Variants in CYFIP2 observed in about 807,000 individuals in gnomAD.
The protein encoded by CYFIP2 is cytoplasmic FMR1 interacting protein 2.
CYFIP2 carries 29 observed loss-of-function variants against 158.7 expected under a neutral mutation model. The ratio of observed to expected loss-of-function variants is 0.18; its 90% CI spans 0.14 to 0.25. The LOEUF (loss-of-function observed/expected upper bound fraction) is 0.25, where lower values mean the gene tolerates loss of function less well. Ranked by LOEUF, CYFIP2 falls within the 10% of genes least tolerant of loss-of-function variation. The pLI, the probability that CYFIP2 is intolerant of heterozygous loss-of-function variation, is 1.00. For synonymous variants in CYFIP2, 585 were observed against 617.6 expected, an observed-to-expected ratio of 0.95 and a Z score of 0.78; for missense variants, 852 against 1,639.5, an observed-to-expected ratio of 0.52 and a Z score of 8.29.
intron 26 of CYFIP2, among the ~76,000 whole-genome samples, chr5:157,368,611 A>C (rs1452898086): frequency 6.6e-6 from 1 of 152,198 alleles, no homozygotes; most frequent in Non-Finnish European, 1.5e-5. Flanking sequence ...ACTCCCAATA[A>C]TACCCTTCCT....
At position 157,391,209 on chromosome 5, in the gene CYFIP2, T is replaced by C. The variant is rs140581028; in HGVS notation, c.3594+541T>C. On this transcript the variant is annotated intron_variant, in intron 30 of 30. Coordinates refer to ENST00000620254, the MANE Select transcript of CYFIP2 (RefSeq NM_001037333.3). The stretch of plus-strand genomic sequence containing the variant: ...ACAGCAACAGTGACAGCAGAGGCAC[T>C]GAGGCAGGAAGGCGGATCGAAGGGT... Among the ~76,000 whole-genome samples, 1,374 of 152,102 alleles carry C rather than the reference T, an allele frequency of 9.0e-3. 20 individuals are homozygous for C. The highest frequency in any genetic ancestry group is 0.031 in the African/African-American group (1,286 of 41,506).
intron 23 of CYFIP2, chr5:157,342,935 T>A: frequency 6.2e-7 from 1 of 1,614,210 alleles, no homozygotes. Flanking sequence ...ATCAGGGGCA[T>A]CCTGGTTGGC....
chr5:157,319,247 TGCAGGA>T (rs1760397348), intron 13 of CYFIP2, among the ~76,000 whole-genome samples: 1 of 152,208 alleles, frequency 6.6e-6, no homozygotes, highest in South Asian at 2.1e-4. Flanking sequence ...CCATGACTTC[TGCAGGA>T]GAAGTTTTGA....
At position 157,361,016 on chromosome 5, in the gene CYFIP2, C is replaced by T. The variant is rs13170707; in HGVS notation, c.2909-452C>T. On this transcript the variant is annotated intron_variant, in intron 25 of 30. Transcript: ENST00000620254. The surrounding 1 kb of genome is among the most constrained non-coding windows in gnomAD (Gnocchi z 4.4). ...TACTTACTACCTGTGTGACTATGGG[C>T]ATGCCCCTTACCCTCTCTGAGCCTC... 0.22 allele frequency among the ~76,000 whole-genome samples: 33,285 copies of T among 152,004 alleles called. 3,914 individuals carry two copies. Among genetic ancestry groups the T allele is most frequent in the African/African-American group, 0.29 (11,909 of 41,400 alleles).
chr5:157,359,035 A>G lies in CYFIP2; in HGVS notation c.2704A>G (p.Ser902Gly). The change falls in exon 24 of 31, where the codon AGC (serine) becomes GGC (glycine). Residue 902 changes from serine to glycine, a missense_variant. By Grantham distance (56) the Ser-to-Gly change is moderately conservative. This residue lies in a region of CYFIP2 where 191 missense variants were observed against 311.2 expected (regional missense o/e 0.61). Coordinates refer to ENST00000620254, the MANE Select transcript of CYFIP2 (RefSeq NM_001037333.3). Reference sequence around the variant, plus strand: ...CAACATTGCCTACAGCCACATCTACAGCTCCTACAGGAATTTCGTGGGGCC... The same window carrying G: ...CAACATTGCCTACAGCCACATCTACGGCTCCTACAGGAATTTCGTGGGGCC... ...PLNIAYSHIYSSYRNFVGPPH... is the reference protein window; with the variant it reads ...PLNIAYSHIYGSYRNFVGPPH... The G allele has an allele frequency of 1.2e-6, 2 of 1,613,958 alleles. No individual in the cohort carries two copies. Among genetic ancestry groups the G allele is most frequent in the Non-Finnish European group, 1.7e-6 (2 of 1,179,864 alleles).
At chr5:157,326,830 G>T (rs1253016389) in intron 18 of CYFIP2, among the ~76,000 whole-genome samples, 1 of 152,198 alleles carries the variant, frequency 6.6e-6, no homozygotes, top group East Asian at 1.9e-4. Context: ...GGTGACCTGG[G>T]TCTGAGGAAA....
At position 157,333,360 on chromosome 5, in the gene CYFIP2, A is replaced by G; in HGVS notation, c.2299A>G (p.Ile767Val). 1 of 1,613,968 alleles carries G rather than the reference A, an allele frequency of 6.2e-7. No individual in the cohort carries two copies. The highest frequency in any genetic ancestry group is 8.5e-7 in the Non-Finnish European group (1 of 1,179,860). ...TAGATCAATTGACTTGAACAGACTC[A>G]TTACCCAGCGCATCTCTGCCGCCAT... ...LGRSIDLNRL[I>V]TQRISAAMYK... The change falls in exon 21 of 31, where the codon ATT becomes GTT. Residue 767 changes from isoleucine (I) to valine (V), a missense_variant. This residue lies in a region of CYFIP2 where 191 missense variants were observed against 311.2 expected (regional missense o/e 0.61). Coordinates refer to ENST00000620254, the MANE Select transcript of CYFIP2 (RefSeq NM_001037333.3).
At chr5:157,343,296 C>A (rs369974736) in intron 23 of CYFIP2, 19 of 1,614,066 alleles carry the variant, frequency 1.2e-5, no homozygotes, top group Middle Eastern at 3.3e-4. Flanking sequence ...GGGAAGGCAG[C>A]CTTCTTACAG....
intron 26 of CYFIP2, among the ~76,000 whole-genome samples, chr5:157,374,256 C>T (rs1407759378): frequency 2.0e-5 from 3 of 152,188 alleles, no homozygotes; most frequent in African/African-American, 7.2e-5. Context: ...ATCACTAGCA[C>T]ACATGTTGCC....
At chr5:157,367,673 TAA>T (rs1764518784) in intron 26 of CYFIP2, among the ~76,000 whole-genome samples, 1 of 151,458 alleles carries the variant, frequency 6.6e-6, no homozygotes, top group Non-Finnish European at 1.5e-5. Context: ...ATAATTGAAA[TAA>T]ATTCATTGAT....
intron 15 of CYFIP2, among the ~76,000 whole-genome samples, chr5:157,322,446 C>A (rs1174462017): frequency 6.6e-6 from 1 of 152,218 alleles, no homozygotes; most frequent in South Asian, 2.1e-4. Context: ...ATGGGTGAAA[C>A]CAGTTTTCAG....
intron 3 of CYFIP2, among the ~76,000 whole-genome samples, chr5:157,291,589 T>C (rs576004016): frequency 6.6e-6 from 1 of 152,340 alleles, no homozygotes; most frequent in South Asian, 2.1e-4. Flanking sequence ...AGACACGTGT[T>C]CCTTACGTGA....
intron 23 of CYFIP2, among the ~76,000 whole-genome samples, chr5:157,354,727 A>C (rs192755799): frequency 6.6e-6 from 1 of 152,266 alleles, no homozygotes; most frequent in Admixed American, 6.5e-5. Context: ...TAGGAATGTC[A>C]ATCAGGGGCC....
At chr5:157,322,849 C>T (rs1760713992) in intron 15 of CYFIP2, 7 of 1,314,152 alleles carry the variant, frequency 5.3e-6, no homozygotes, top group Non-Finnish European at 7.4e-6. Context: ...ATACCTCTTG[C>T]TTTTCTCTCT....
At chr5:157,386,749 AT>A (rs1323925395) in intron 28 of CYFIP2, among the ~76,000 whole-genome samples, 1 of 152,082 alleles carries the variant, frequency 6.6e-6, no homozygotes, top group African/African-American at 2.4e-5. Context: ...GTGAAACCCC[AT>A]CTCTACTAAA....
intron 23 of CYFIP2, among the ~76,000 whole-genome samples, chr5:157,349,499 TTTTC>T (rs1220625043): frequency 1.3e-5 from 2 of 152,238 alleles, no homozygotes; most frequent in Non-Finnish European, 2.9e-5. Flanking sequence ...ACATGCCACA[TTTTC>T]TTTATCCACT....
In CYFIP2 at chr5:157,311,648, A is replaced by C. The variant is rs10062193; in HGVS notation, c.993-16A>C. ...TGAGGCTGGGACCCTCTCCGACCCC[A>C]TAATTTTCTACCCAGGTGGACGTGC... On this transcript the variant is annotated splice_polypyrimidine_tract_variant and intron_variant, in intron 10 of 30. Coordinates refer to ENST00000620254, the MANE Select transcript of CYFIP2 (RefSeq NM_001037333.3). This position sits in a 1 kb window ranked among gnomAD's most constrained non-coding sequence, Gnocchi z 4.7. The C allele has an allele frequency of 2.5e-6, 4 of 1,592,340 alleles. No homozygotes were observed. The African/African-American group carries it at 5.4e-5, about 21-fold the overall frequency.
chr5:157,273,239 G>A (rs888010682), intron 1 of CYFIP2, among the ~76,000 whole-genome samples: 1 of 152,146 alleles, frequency 6.6e-6, no homozygotes, highest in Admixed American at 6.6e-5. Flanking sequence ...AGGAAGTGCA[G>A]TGTTAACCCT....
chr5:157,307,927 G>T, intron 9 of CYFIP2, 62 bp downstream of exon 9: 1 of 933,168 alleles, frequency 1.1e-6, no homozygotes, highest in Admixed American at 2.1e-5. Flanking sequence ...GATGTCTTTG[G>T]GGGAAAGGGA....
Sources: gnomAD v4.1 joint callset for allele counts (sites outside exome capture counted in the v4.1 genomes callset) on GRCh38, gnomAD v4.1.1 for gene constraint, gnomAD v4.1.1 regional missense constraint, Gnocchi (gnomAD v3.1) non-coding constraint, MANE v1.5 for transcripts, NCBI Gene and HGNC (gene_info 2026-07-23, HGNC 2026-07-21) for gene names.